Variants in RAPGEF2 observed in about 807,000 individuals in gnomAD.
RAPGEF2 encodes the protein PDZ domain containing guanine nucleotide exchange factor (GEF) 1.
Under a neutral mutation model 186.7 loss-of-function variants are expected in RAPGEF2, and 54 were observed. The observed-to-expected ratio is 0.29, with a 90% CI of 0.23 to 0.36. RAPGEF2 has a LOEUF of 0.36. Ranked by LOEUF, RAPGEF2 falls within the 10% of genes least tolerant of loss-of-function variation. The pLI, the probability that RAPGEF2 is intolerant of heterozygous loss-of-function variation, is 1.00. For synonymous variants in RAPGEF2, 712 were observed against 705.9 expected, an observed-to-expected ratio of 1.01 and a Z score of -0.14; for missense variants, 1,532 against 2,045.0, an observed-to-expected ratio of 0.75 and a Z score of 4.84.
chr4:159,241,389 A>G, intron 6 of RAPGEF2, 21 bp downstream of exon 6: 1 of 1,289,358 alleles, frequency 7.8e-7, no homozygotes, highest in Non-Finnish European at 9.9e-7. Flanking sequence ...CAAGTATAAT[A>G]TTTTTATTTA....
At position 159,257,947 on chromosome 4, in the gene RAPGEF2, T is replaced by G. The variant is rs1433342327; in HGVS notation, c.543+14156T>G. On this transcript the variant is annotated intron_variant, in intron 7 of 29. Coordinates refer to ENST00000691494, the MANE Select transcript of RAPGEF2 (RefSeq NM_001394067.2). ...TTTCTCGTTTCTTGTCCTATCCCATTTAAAGTCTTAGGGGTCAGTTGTAGA... is the reference window on the plus strand; with the variant it reads ...TTTCTCGTTTCTTGTCCTATCCCATGTAAAGTCTTAGGGGTCAGTTGTAGA... 4.1e-4 allele frequency among the ~76,000 whole-genome samples: 62 copies of G among 152,324 alleles called. 1 individual carries two copies. Among genetic ancestry groups the G allele is most frequent in the Non-Finnish European group, 5.9e-5 (4 of 68,026 alleles).
chr4:159,346,182 T>C (rs11723634), intron 24 of RAPGEF2, among the ~76,000 whole-genome samples: 52,595 of 152,002 alleles, frequency 0.35, 10,553 homozygotes, highest in Non-Finnish European at 0.47. Flanking sequence ...ACATATGTCA[T>C]TGAGTTTTTA....
At chr4:159,237,211 G>A (rs913178269) in intron 4 of RAPGEF2, among the ~76,000 whole-genome samples, 3 of 152,000 alleles carry the variant, frequency 2.0e-5, no homozygotes, top group Admixed American at 2.0e-4. Flanking sequence ...AGTAGAGACG[G>A]GGTTTCACCA....
intron 7 of RAPGEF2, among the ~76,000 whole-genome samples, chr4:159,294,631 ATTTCTTCCTTCC>A (rs766756542): frequency 8.2e-5 from 7 of 85,696 alleles, no homozygotes; most frequent in South Asian, 3.8e-4. Context: ...TTGAGCTTCC[ATTTCTTCCTTCC>A]TTCCTTCCTT....
chr4:159,314,042 A>G (rs1452432029), intron 8 of RAPGEF2, among the ~76,000 whole-genome samples: 1 of 152,194 alleles, frequency 6.6e-6, no homozygotes, highest in East Asian at 1.9e-4. Context: ...ATGGTCTCCT[A>G]TAGTGTTTCT....
At chr4:159,203,106 C>G (rs2111349250) in intron 3 of RAPGEF2, among the ~76,000 whole-genome samples, 1 of 152,206 alleles carries the variant, frequency 6.6e-6, no homozygotes, top group East Asian at 1.9e-4. Flanking sequence ...ATTTACTGGC[C>G]ACCTCCTTAA....
chr4:159,277,192 T>G (rs1425171899), intron 7 of RAPGEF2, among the ~76,000 whole-genome samples: 1 of 152,012 alleles, frequency 6.6e-6, no homozygotes, highest in Non-Finnish European at 1.5e-5. Context: ...TCTGTCCTTG[T>G]GATAGTTTGC....
chr4:159,322,518 T>C, intron 10 of RAPGEF2, 35 bp downstream of exon 10: 1 of 1,591,930 alleles, frequency 6.3e-7, no homozygotes, highest in Non-Finnish European at 8.6e-7. Context: ...AAAAGTTTCT[T>C]CTTAAAGATA....
intron 7 of RAPGEF2, among the ~76,000 whole-genome samples, chr4:159,244,552 G>A (rs1754388889): frequency 6.6e-6 from 1 of 151,742 alleles, no homozygotes; most frequent in African/African-American, 2.4e-5. Context: ...GGGTTATCCG[G>A]GAATTTTGAG....
intron 1 of RAPGEF2, among the ~76,000 whole-genome samples, chr4:159,139,385 C>T (rs533855897): frequency 6.6e-6 from 1 of 152,262 alleles, no homozygotes; most frequent in South Asian, 2.1e-4. Flanking sequence ...TATACAGTTT[C>T]TTCAATCTCA....
intron 4 of RAPGEF2, among the ~76,000 whole-genome samples, chr4:159,237,850 A>T (rs998965354): frequency 7.6e-5 from 7 of 91,616 alleles, no homozygotes; most frequent in Admixed American, 4.6e-4. Flanking sequence ...ATTAAAAAAA[A>T]AAAAAAAAAA....
At chr4:159,157,067 A>C (rs939198912) in intron 1 of RAPGEF2, among the ~76,000 whole-genome samples, 13 of 152,160 alleles carry the variant, frequency 8.5e-5, no homozygotes, top group African/African-American at 2.7e-4. Context: ...TAGCTGGTTC[A>C]TTGGCCTTTC....
intron 1 of RAPGEF2, among the ~76,000 whole-genome samples, chr4:159,110,557 A>T (rs539406046): frequency 1.3e-5 from 2 of 152,300 alleles, no homozygotes; most frequent in African/African-American, 4.8e-5. Context: ...CAGCCTGGGT[A>T]ACAAGAGCGA....
At chr4:159,285,061 A>G (rs138209840) in intron 7 of RAPGEF2, among the ~76,000 whole-genome samples, 1 of 152,242 alleles carries the variant, frequency 6.6e-6, no homozygotes, top group East Asian at 1.9e-4. Context: ...GAAAAGAAAC[A>G]TACTCTTCTT....
At chr4:159,346,716 C>T (rs1212024156) in intron 24 of RAPGEF2, 73 bp from the exon 25 acceptor site, 1 of 1,272,490 alleles carries the variant, frequency 7.9e-7, no homozygotes, top group East Asian at 2.3e-5. Context: ...TCACACAGTT[C>T]TAGAATTATC....
intron 1 of RAPGEF2, among the ~76,000 whole-genome samples, chr4:159,177,461 T>C (rs868023345): frequency 1.2e-4 from 18 of 152,316 alleles, no homozygotes; most frequent in Middle Eastern, 6.8e-3. Context: ...ATAGATATTA[T>C]TCACCGTCTT....
chr4:159,145,203 G>A (rs991249116), intron 1 of RAPGEF2, among the ~76,000 whole-genome samples: 6 of 151,752 alleles, frequency 4.0e-5, no homozygotes, highest in Non-Finnish European at 5.9e-5. Context: ...CCGCTTTATT[G>A]TAGTAATACT....
intron 1 of RAPGEF2, among the ~76,000 whole-genome samples, chr4:159,105,746 C>T (rs1170860829): frequency 6.6e-6 from 1 of 152,212 alleles, no homozygotes; most frequent in Non-Finnish European, 1.5e-5. Flanking sequence ...TGCACATTCC[C>T]TGTCTCAGTG....
chr4:159,113,602 A>C (rs1470538925), intron 1 of RAPGEF2, among the ~76,000 whole-genome samples: 2 of 151,888 alleles, frequency 1.3e-5, no homozygotes, highest in Non-Finnish European at 2.9e-5. Context: ...ATTAGCCAGG[A>C]GTGGTGGCGC....
Sources: allele counts gnomAD v4.1 joint callset (sites outside exome capture counted in the v4.1 genomes callset), GRCh38; gene constraint gnomAD v4.1.1; transcripts MANE v1.5; gene names NCBI Gene and HGNC (gene_info 2026-07-23, HGNC 2026-07-21).